The following LRIG3 variants were observed in gnomAD, a reference collection of about 807,000 sequenced individuals.
LRIG3 encodes the protein leucine rich repeats and immunoglobulin like domains 3, also known as leucine-rich repeats and immunoglobulin-like domains protein 3.
Under a neutral mutation model 114.5 loss-of-function variants are expected in LRIG3, and 76 were observed. The ratio of observed to expected loss-of-function variants is 0.66; its 90% CI spans 0.55 to 0.80. The LOEUF (loss-of-function observed/expected upper bound fraction) is 0.80, where lower values mean the gene tolerates loss of function less well. Ranked by LOEUF, LRIG3 falls within the 30% of genes least tolerant of loss-of-function variation. LRIG3 has a pLI of 0.00. For missense variants in LRIG3, 1,239 were observed against 1,382.8 expected (o/e 0.90, Z 1.65); for synonymous variants, 512 against 519.8 (o/e 0.98, Z 0.20).
intron 3 of LRIG3, among the ~76,000 whole-genome samples, chr12:58,911,217 C>T (rs1592311174): frequency 6.6e-6 from 1 of 152,244 alleles, no homozygotes; most frequent in East Asian, 1.9e-4. Flanking sequence ...ATCCCAGATT[C>T]CCTGATATTA....
In LRIG3 at chr12:58,888,886, T is replaced by C. The variant is rs1357869393; in HGVS notation, c.736A>G (p.Met246Val). 9 of 1,613,916 alleles carry C rather than the reference T, an allele frequency of 5.6e-6. No individual in the cohort carries two copies. The highest frequency in any genetic ancestry group is 5.9e-6 in the Non-Finnish European group (7 of 1,179,870). Residue 246 changes from methionine (M) to valine (V), a missense_variant, in exon 6 of 19, where the codon ATG becomes GTG. By Grantham distance (21) the Met-to-Val change is conservative (BLOSUM62 1). Transcript: ENST00000320743. ...QGLGALKSLK[M>V]QRNGVTKLMD... The stretch of plus-strand genomic sequence containing the variant: ...AGTTTCGTTACTCCATTTCTTTGCA[T>C]TTTCAGAGACTTCAGAGCACCAAGG...
intron 3 of LRIG3, among the ~76,000 whole-genome samples, chr12:58,912,071 T>A (rs1872299319): frequency 6.6e-6 from 1 of 152,178 alleles, no homozygotes; most frequent in African/African-American, 2.4e-5. Context: ...TCAGGGTGAT[T>A]TCACACCCAG....
intron 12 of LRIG3, among the ~76,000 whole-genome samples, chr12:58,881,203 A>T (rs1229992500): frequency 1.3e-5 from 2 of 152,226 alleles, no homozygotes. Context: ...TATGCTTTCT[A>T]TAAGTAGAAG....
chr12:58,879,083 G>A lies in LRIG3; in HGVS notation c.1824C>T (p.Thr608=). The A allele has an allele frequency of 1.2e-6, 2 of 1,612,588 alleles. No individual in the cohort carries two copies. The part of the protein sequence containing the change: ...TVNMLPSFTK[T]PMDLTIRAGA... ...CAGCTCGGATGGTGAGATCCATGGG[G>A]GTCTTGGTGAATGAGGGAAGCACTG... Residue 608 remains threonine, a synonymous_variant, in exon 14 of 19, where the codon ACC becomes ACT. Coordinates refer to ENST00000320743, the MANE Select transcript of LRIG3 (RefSeq NM_153377.5).
chr12:58,877,316 T>C, intron 15 of LRIG3, 84 bp downstream of exon 15: 1 of 1,385,428 alleles, frequency 7.2e-7, no homozygotes, highest in Non-Finnish European at 1.0e-6. Flanking sequence ...GAACTCAGAC[T>C]GCAAGACACA....
In LRIG3 at chr12:58,880,920, A is replaced by C. The variant is rs1356082930; in HGVS notation, c.1481-19T>G. 2.5e-6 allele frequency: 4 copies of C among 1,602,398 alleles called. No individual in the cohort carries two copies. In the Admixed American group the frequency reaches 6.7e-5, roughly 27 times the overall value. The stretch of plus-strand genomic sequence containing the variant: ...AAATCATCTGTTAAAAATGGAGAGG[A>C]GGAGACAAAACAATGTTAAGGCTCA... On this transcript the variant is annotated intron_variant, in intron 12 of 18. Coordinates refer to ENST00000320743, the MANE Select transcript of LRIG3 (RefSeq NM_153377.5).
intron 3 of LRIG3, chr12:58,913,712 A>G (rs544293312): frequency 5.6e-6 from 2 of 358,646 alleles, no homozygotes; most frequent in South Asian, 5.7e-5. Flanking sequence ...ACACATTTCT[A>G]TGGTGTAAAG....
intron 3 of LRIG3, among the ~76,000 whole-genome samples, chr12:58,902,491 A>T (rs932446034): frequency 1.3e-5 from 2 of 152,120 alleles, no homozygotes; most frequent in Admixed American, 1.3e-4. Flanking sequence ...GCTATATGAG[A>T]GACAGGGAGA....
intron 10 of LRIG3, among the ~76,000 whole-genome samples, 153 bp from the exon 11 acceptor site, chr12:58,883,744 C>G (rs117218933): frequency 0.012 from 1,871 of 152,324 alleles, 33 homozygotes; most frequent in East Asian, 0.092. Flanking sequence ...GAAGAATCCA[C>G]TGCAAAGCTT....
In LRIG3 at chr12:58,877,717, G is replaced by T; in HGVS notation, c.2219C>A (p.Thr740Asn). The T allele has an allele frequency of 6.2e-7, 1 of 1,614,178 alleles. No individual in the cohort carries two copies. The highest frequency in any genetic ancestry group is 8.5e-7 in the Non-Finnish European group (1 of 1,180,048). The change falls in exon 15 of 19, where the codon ACC (threonine) becomes AAC (asparagine). Residue 740 changes from threonine (T) to asparagine (N), a missense_variant. Thr to Asn is a moderately conservative substitution (Grantham distance 65, BLOSUM62 0). Transcript: ENST00000320743. ...GCCTGCTGCAAAAAAGTGCCTCTCG[G>T]TTACCACCAATGGGCTATCATCTTT... ...WTKDDSPLVV[T>N]ERHFFAAGNQ...
intron 12 of LRIG3, among the ~76,000 whole-genome samples, chr12:58,881,236 C>A (rs1439817092): frequency 4.6e-5 from 7 of 152,076 alleles, no homozygotes; most frequent in African/African-American, 1.7e-4. Context: ...TAAAAACTTC[C>A]AGGCTCAGGG....
intron 3 of LRIG3, among the ~76,000 whole-genome samples, chr12:58,898,426 C>G (rs1336993930): frequency 6.6e-6 from 1 of 152,126 alleles, no homozygotes; most frequent in African/African-American, 2.4e-5. Context: ...AATACTGTAG[C>G]CTCTTGTAGA....
chr12:58,914,186 C>T, intron 2 of LRIG3, 79 bp downstream of exon 2: 1 of 1,513,616 alleles, frequency 6.6e-7, no homozygotes. Flanking sequence ...CACTATAATC[C>T]AAGTATTCCT....
chr12:58,894,903 T>C (rs930040843), intron 3 of LRIG3, among the ~76,000 whole-genome samples: 9 of 152,206 alleles, frequency 5.9e-5, no homozygotes, highest in African/African-American at 2.2e-4. Context: ...GGTTAACTAA[T>C]TTCTGAAGTG....
chr12:58,898,261 C>T (rs1871715470), intron 3 of LRIG3, among the ~76,000 whole-genome samples: 2 of 152,166 alleles, frequency 1.3e-5, no homozygotes, highest in African/African-American at 2.4e-5. Flanking sequence ...TTATCTACTA[C>T]GTTTTTGTGA....
At chr12:58,891,853 T>C (rs1871466501) in intron 3 of LRIG3, among the ~76,000 whole-genome samples, 1 of 152,186 alleles carries the variant, frequency 6.6e-6, no homozygotes, top group African/African-American at 2.4e-5. Flanking sequence ...TGAGGCTCTT[T>C]AAATTTAAAT....
chr12:58,898,317 A>T (rs1247733902), intron 3 of LRIG3, among the ~76,000 whole-genome samples: 2 of 152,218 alleles, frequency 1.3e-5, no homozygotes, highest in African/African-American at 4.8e-5. Flanking sequence ...AAATGAAATG[A>T]TCTCTTCCAG....
intron 3 of LRIG3, among the ~76,000 whole-genome samples, chr12:58,909,522 C>G (rs1007172599): frequency 5.9e-5 from 9 of 152,146 alleles, no homozygotes; most frequent in Non-Finnish European, 1.2e-4. Flanking sequence ...GGTGTCCTAG[C>G]ACTTAAAAGA....
chr12:58,887,007 T>G, intron 8 of LRIG3, 117 bp from the exon 9 acceptor site: 1 of 642,460 alleles, frequency 1.6e-6, no homozygotes, highest in Non-Finnish European at 2.7e-6. Context: ...TATCTCCACC[T>G]CTCTCAAAAT....
Sources: gnomAD v4.1 joint callset for allele counts (sites outside exome capture counted in the v4.1 genomes callset) on GRCh38, gnomAD v4.1.1 for gene constraint, MANE v1.5 for transcripts, NCBI Gene and HGNC (gene_info 2026-07-23, HGNC 2026-07-21) for gene names.